The following MAD1L1 variants were observed in gnomAD, a reference collection of about 807,000 sequenced individuals.
The protein encoded by MAD1L1 is mitotic arrest deficient 1 like 1.
A neutral mutation model predicts 96.9 loss-of-function variants in MAD1L1; 95 were observed. The ratio of observed to expected loss-of-function variants is 0.98; its 90% CI spans 0.83 to 1.16. The LOEUF is 1.16. Ranked by LOEUF, MAD1L1 falls within the 50% of genes most tolerant of loss-of-function variation. The probability of loss-of-function intolerance (pLI) is 0.00; values close to 1 mark genes in which losing one functional copy is unlikely to be tolerated. For synonymous variants in MAD1L1, 473 were observed against 396.6 expected (o/e 1.19, Z -2.29); for missense variants, 1,007 against 954.4 (o/e 1.06, Z -0.73).
At chr7:2,003,759 G>A (rs910001027) in intron 13 of MAD1L1, among the ~76,000 whole-genome samples, 1 of 152,164 alleles carries the variant, frequency 6.6e-6, no homozygotes, top group Non-Finnish European at 1.5e-5. Context: ...GGGAGGCCCT[G>A]GAGCCAGCCT....
chr7:1,832,630 T>TTTTGGGGG (rs56664541), intron 18 of MAD1L1, among the ~76,000 whole-genome samples: 2 of 2,346 alleles, frequency 8.5e-4, no homozygotes, highest in Admixed American at 5.4e-3. Flanking sequence ...TTTTTTTTTT[T>TTTTGGGGG]GGCGGGGGGG....
At chr7:2,072,889 G>A (rs1265218884) in intron 11 of MAD1L1, among the ~76,000 whole-genome samples, 3 of 152,214 alleles carry the variant, frequency 2.0e-5, no homozygotes, top group Non-Finnish European at 4.4e-5. Context: ...CTGTGTGGGG[G>A]CACATGTGGG....
At chr7:2,123,018 G>A (rs1562708533) in intron 11 of MAD1L1, among the ~76,000 whole-genome samples, 1 of 152,164 alleles carries the variant, frequency 6.6e-6, no homozygotes, top group Non-Finnish European at 1.5e-5. Context: ...AAAAGCAGCA[G>A]GGGAGCCGGG....
intron 13 of MAD1L1, among the ~76,000 whole-genome samples, chr7:2,008,775 G>GC (rs1782153129): frequency 6.9e-6 from 1 of 145,892 alleles, no homozygotes; most frequent in Non-Finnish European, 1.5e-5. Flanking sequence ...AAGCTCAGGG[G>GC]GGGAAGGAAC....
chr7:1,879,695 T>C (rs1426476760), intron 18 of MAD1L1, among the ~76,000 whole-genome samples: 1 of 152,218 alleles, frequency 6.6e-6, no homozygotes, highest in South Asian at 2.1e-4. Context: ...GTCACCTGAA[T>C]GGAACACAGA....
At chr7:1,925,478 G>T (rs1315367629) in intron 17 of MAD1L1, among the ~76,000 whole-genome samples, 1 of 152,224 alleles carries the variant, frequency 6.6e-6, no homozygotes, top group East Asian at 1.9e-4. Context: ...ACCAGCTTCT[G>T]GCAAGGGCTT....
chr7:1,980,756 T>C, intron 14 of MAD1L1: 1 of 664,900 alleles, frequency 1.5e-6, no homozygotes, highest in Non-Finnish European at 2.8e-6. Flanking sequence ...GTCACTTCCA[T>C]CTCCTGAATA....
rs184921645 is a variant in MAD1L1 at position 2,060,235 on chromosome 7, G to A, written c.1218+8959C>T. ...CCAAGTTACGCCGATGCCGAGATAC[G>A]CCGATGCCGAGATACGCCGATGCCG... On this transcript the variant is annotated intron_variant, in intron 12 of 18. Coordinates refer to ENST00000265854, the MANE Select transcript of MAD1L1 (RefSeq NM_001013836.2). Among the ~76,000 whole-genome samples the A allele has an allele frequency of 3.8e-4, 56 of 147,172 alleles. 1 individual carries two copies. The Middle Eastern group carries it at 0.022, about 57-fold the overall frequency.
At chr7:1,884,032 C>T (rs1181397606) in intron 18 of MAD1L1, among the ~76,000 whole-genome samples, 4 of 151,772 alleles carry the variant, frequency 2.6e-5, no homozygotes, top group Admixed American at 6.6e-5. Context: ...AGCATCTGAC[C>T]GCTCCATCCT....
At chr7:1,970,465 C>G (rs1333781042) in intron 15 of MAD1L1, among the ~76,000 whole-genome samples, 1 of 151,326 alleles carries the variant, frequency 6.6e-6, no homozygotes, top group Non-Finnish European at 1.5e-5. Context: ...TCCCAAGTAG[C>G]TGGAATTACA....
chr7:2,150,355 C>T (rs772718078), intron 10 of MAD1L1, among the ~76,000 whole-genome samples: 26 of 152,312 alleles, frequency 1.7e-4, no homozygotes, highest in Non-Finnish European at 3.1e-4. Context: ...GCCTAAAACG[C>T]GCACGCTGCA....
At chr7:2,165,959 C>A (rs1241033262) in intron 10 of MAD1L1, among the ~76,000 whole-genome samples, 2 of 152,184 alleles carry the variant, frequency 1.3e-5, no homozygotes, top group Non-Finnish European at 2.9e-5. Context: ...TGTGGGTCCA[C>A]ATGCTCTGCG....
At chr7:1,865,729 C>G (rs939360944) in intron 18 of MAD1L1, among the ~76,000 whole-genome samples, 2 of 152,256 alleles carry the variant, frequency 1.3e-5, no homozygotes, top group African/African-American at 4.8e-5. Context: ...CACAGTTAAT[C>G]AGGACTGGCT....
At chr7:1,915,001 T>C (rs4721189) in intron 17 of MAD1L1, among the ~76,000 whole-genome samples, 149,640 of 152,240 alleles carry the variant, frequency 0.98, 73,590 homozygotes, top group Middle Eastern at 1. Context: ...TGTGGGCCTC[T>C]GGTTTTCCAG....
intron 15 of MAD1L1, among the ~76,000 whole-genome samples, chr7:1,962,174 G>A (rs767359158): frequency 1.3e-5 from 2 of 152,210 alleles, no homozygotes; most frequent in Non-Finnish European, 2.9e-5. Flanking sequence ...TCACAGGGAT[G>A]GTTTCCCACA....
intron 18 of MAD1L1, among the ~76,000 whole-genome samples, chr7:1,830,145 C>A (rs1782633656): frequency 6.6e-6 from 1 of 152,172 alleles, no homozygotes; most frequent in African/African-American, 2.4e-5. Flanking sequence ...GCCTGTAATC[C>A]CAGCACTGTG....
At chr7:1,827,085 T>C (rs1490171982) in intron 18 of MAD1L1, among the ~76,000 whole-genome samples, 4 of 152,136 alleles carry the variant, frequency 2.6e-5, no homozygotes, top group African/African-American at 9.7e-5. Flanking sequence ...GGGCGCCGGC[T>C]CGGGGTGGGG....
chr7:2,008,274 T>A (rs1298011715), intron 13 of MAD1L1, among the ~76,000 whole-genome samples: 1 of 152,144 alleles, frequency 6.6e-6, no homozygotes, highest in Non-Finnish European at 1.5e-5. Context: ...CAGGCTGGTC[T>A]CGGTAGGGTT....
chr7:2,029,589 C>T (rs544804227), intron 12 of MAD1L1, among the ~76,000 whole-genome samples: 3 of 151,698 alleles, frequency 2.0e-5, no homozygotes, highest in Non-Finnish European at 2.9e-5. Flanking sequence ...TTTTTTTAAA[C>T]GGAACTCCAT....
Sources: allele counts gnomAD v4.1 joint callset (sites outside exome capture counted in the v4.1 genomes callset), GRCh38; gene constraint gnomAD v4.1.1; transcripts MANE v1.5; gene names NCBI Gene and HGNC (gene_info 2026-07-23, HGNC 2026-07-21).